PDE1A: variants seen among roughly 807,000 people sequenced by gnomAD.
PDE1A encodes phosphodiesterase 1A.
A neutral mutation model predicts 61.7 loss-of-function variants in PDE1A; 35 were observed. The observed-to-expected ratio is 0.57, with a 90% CI of 0.43 to 0.75. The LOEUF is 0.75. Ranked by LOEUF, PDE1A falls within the 30% of genes least tolerant of loss-of-function variation. PDE1A has a pLI of 0.00. For synonymous variants in PDE1A, 232 were observed against 213.2 expected (o/e 1.09, Z -0.77); for missense variants, 597 against 630.6 (o/e 0.95, Z 0.57).
chr2:182,349,421 C>G (rs1298331937), intron 1 of PDE1A, among the ~76,000 whole-genome samples: 3 of 152,116 alleles, frequency 2.0e-5, no homozygotes, highest in African/African-American at 2.4e-5. Flanking sequence ...AATGGAAAAG[C>G]TTTTCAGTAA....
chr2:182,334,072 A>G (rs1697611380), intron 1 of PDE1A, among the ~76,000 whole-genome samples: 1 of 152,170 alleles, frequency 6.6e-6, no homozygotes, highest in African/African-American at 2.4e-5. Flanking sequence ...AAGTTATGAA[A>G]TTGAGGCAGT....
At chr2:182,208,125 T>C (rs1026876987) in intron 7 of PDE1A, among the ~76,000 whole-genome samples, 4 of 152,280 alleles carry the variant, frequency 2.6e-5, no homozygotes, top group South Asian at 2.1e-4. Flanking sequence ...AGAGTCCCCA[T>C]AGTCCTCACT....
chr2:182,465,914 C>T (rs529644544), intron 2 of PDE1A, among the ~76,000 whole-genome samples: 5 of 151,204 alleles, frequency 3.3e-5, no homozygotes, highest in South Asian at 4.2e-4. Flanking sequence ...AGAGTGATGC[C>T]GGAAAAGAGT....
rs899764046 is a variant in PDE1A, at chr2:182,454,751, C to G, written c.101+67525G>C. 2.2e-4 allele frequency among the ~76,000 whole-genome samples: 34 copies of G among 152,050 alleles called. 1 individual carries two copies. Among genetic ancestry groups the G allele is most frequent in the African/African-American group, 1.2e-4 (5 of 41,500 alleles). ...CTGAAACTGGATCCCTTCCTTACAC[C>G]TTATACAAAAATTAATTCAAGATGG... On this transcript the variant is annotated intron_variant, in intron 2 of 14. Transcript: ENST00000410103.
chr2:182,404,136 TC>T (rs141979270), intron 1 of PDE1A, among the ~76,000 whole-genome samples: 5,856 of 152,226 alleles, frequency 0.038, 136 homozygotes, highest in Middle Eastern at 0.071. Flanking sequence ...ATGAAGAAAT[TC>T]TATGCTTCAA....
chr2:182,367,392 ATTTG>A, intron 1 of PDE1A, among the ~76,000 whole-genome samples: 1 of 152,146 alleles, frequency 6.6e-6, no homozygotes, highest in African/African-American at 2.4e-5. Flanking sequence ...TGCTCACATG[ATTTG>A]TTTAAACCTT....
the PDE1A span, among the ~76,000 whole-genome samples, chr2:182,582,681 C>A: frequency 6.6e-6 from 1 of 152,116 alleles, no homozygotes; most frequent in Non-Finnish European, 1.5e-5. Flanking sequence ...CCTAGTGGGG[C>A]TAAGGTCTAT....
chr2:182,314,816 T>C (rs1196567279), intron 1 of PDE1A, among the ~76,000 whole-genome samples: 3 of 130,238 alleles, frequency 2.3e-5, no homozygotes, highest in Non-Finnish European at 5.1e-5. Flanking sequence ...GTATACTTTT[T>C]ATGCATGCAA....
intron 2 of PDE1A, among the ~76,000 whole-genome samples, chr2:182,511,157 A>C (rs1432929788): frequency 6.6e-6 from 1 of 152,066 alleles, no homozygotes; most frequent in East Asian, 1.9e-4. Flanking sequence ...ACAGATAAGA[A>C]AATTGAGGAA....
chr2:182,280,919 G>A (rs1321306295), intron 1 of PDE1A, among the ~76,000 whole-genome samples: 1 of 151,806 alleles, frequency 6.6e-6, no homozygotes, highest in African/African-American at 2.4e-5. Context: ...CTAAATAACT[G>A]CACAAACTAA....
intron 2 of PDE1A, among the ~76,000 whole-genome samples, chr2:182,433,952 T>C (rs1367449848): frequency 6.6e-6 from 1 of 152,084 alleles, no homozygotes; most frequent in Non-Finnish European, 1.5e-5. Flanking sequence ...GAGATGTGAC[T>C]CTCCTGACAA....
chr2:182,247,345 T>G (rs1691049364), intron 2 of PDE1A, among the ~76,000 whole-genome samples: 1 of 152,180 alleles, frequency 6.6e-6, no homozygotes, highest in Non-Finnish European at 1.5e-5. Flanking sequence ...ATTTATCACA[T>G]AGAGAAGAGT....
intron 1 of PDE1A, chr2:182,314,241 G>A (rs1195087473): frequency 2.6e-5 from 4 of 152,128 alleles, no homozygotes; most frequent in African/African-American, 9.7e-5. Context: ...ACAGCATCAT[G>A]AATGAATCTC....
At chr2:182,506,343 A>C (rs1277844606) in intron 2 of PDE1A, among the ~76,000 whole-genome samples, 3 of 152,228 alleles carry the variant, frequency 2.0e-5, no homozygotes, top group Non-Finnish European at 2.9e-5. Flanking sequence ...ATAAGACCAA[A>C]TAAACAGCCA....
the PDE1A span, among the ~76,000 whole-genome samples, chr2:182,567,837 G>T: frequency 6.7e-6 from 1 of 148,562 alleles, no homozygotes; most frequent in Non-Finnish European, 1.5e-5. Context: ...CTGTTGCCAG[G>T]ACTGGTGTGC....
At chr2:182,414,095 A>C (rs1702776930) in intron 1 of PDE1A, among the ~76,000 whole-genome samples, 1 of 152,172 alleles carries the variant, frequency 6.6e-6, no homozygotes, top group South Asian at 2.1e-4. Context: ...ATCACCTAAC[A>C]GAAGACAGTT....
chr2:182,317,418 C>T (rs952361726), intron 1 of PDE1A, among the ~76,000 whole-genome samples: 4 of 152,042 alleles, frequency 2.6e-5, no homozygotes, highest in Admixed American at 2.6e-4. Flanking sequence ...TACTATGCAC[C>T]AAGTATTATG....
chr2:182,227,196 T>C (rs1689210722), intron 6 of PDE1A, among the ~76,000 whole-genome samples: 1 of 151,994 alleles, frequency 6.6e-6, no homozygotes, highest in African/African-American at 2.4e-5. Context: ...GTTTCAAAAG[T>C]AGGATTTCTA....
intron 1 of PDE1A, among the ~76,000 whole-genome samples, chr2:182,390,686 AC>A (rs1344948183): frequency 2.6e-5 from 4 of 152,214 alleles, no homozygotes; most frequent in African/African-American, 9.7e-5. Flanking sequence ...CAAAAGGTGC[AC>A]ACTCAGCCTC....
Sources: gnomAD v4.1 joint callset for allele counts (sites outside exome capture counted in the v4.1 genomes callset) on GRCh38, gnomAD v4.1.1 for gene constraint, MANE v1.5 for transcripts, NCBI Gene and HGNC (gene_info 2026-07-23, HGNC 2026-07-21) for gene names.